PTPRM: variants seen among roughly 807,000 people sequenced by gnomAD.
The protein encoded by PTPRM is protein tyrosine phosphatase receptor type M, also known as receptor-type tyrosine-protein phosphatase mu.
Under a neutral mutation model 186.7 loss-of-function variants are expected in PTPRM, and 47 were observed. The ratio of observed to expected loss-of-function variants is 0.25; its 90% CI spans 0.20 to 0.32. The LOEUF is 0.32. PTPRM is among the 10% of genes least tolerant of loss of function. The pLI, the probability that PTPRM is intolerant of heterozygous loss-of-function variation, is 1.00. For missense variants in PTPRM, 1,494 were observed against 1,865.0 expected (o/e 0.80, Z 3.66); for synonymous variants, 668 against 674.9 (o/e 0.99, Z 0.16).
At chr18:8,300,341 G>A (rs1355084551) in intron 20 of PTPRM, among the ~76,000 whole-genome samples, 2 of 152,084 alleles carry the variant, frequency 1.3e-5, no homozygotes, top group Admixed American at 1.3e-4. Context: ...GGTGAGTCAT[G>A]AGCCTTCTCA....
chr18:7,874,290 C>G (rs550522744), intron 2 of PTPRM, among the ~76,000 whole-genome samples: 1 of 152,074 alleles, frequency 6.6e-6, no homozygotes, highest in South Asian at 2.1e-4. Context: ...TTTATAAAGG[C>G]ATATGCAATT....
intron 14 of PTPRM, among the ~76,000 whole-genome samples, chr18:8,174,148 C>G (rs2093447958): frequency 6.6e-6 from 1 of 152,144 alleles, no homozygotes. Context: ...ATCTTGTCAC[C>G]TCCAGAATAA....
intron 1 of PTPRM, among the ~76,000 whole-genome samples, chr18:7,742,936 C>A (rs1477599376): frequency 6.6e-6 from 1 of 151,912 alleles, no homozygotes; most frequent in Admixed American, 6.6e-5. Flanking sequence ...GATTATTTAC[C>A]CATTAGTTAG....
chr18:7,621,077 C>T (rs745799085), intron 1 of PTPRM, among the ~76,000 whole-genome samples: 11 of 152,222 alleles, frequency 7.2e-5, no homozygotes, highest in Admixed American at 1.3e-4. Context: ...CTAAAACTTA[C>T]GCAGTGCTTA....
At chr18:8,382,567 A>G (rs1056026201) in intron 29 of PTPRM, among the ~76,000 whole-genome samples, 4 of 152,196 alleles carry the variant, frequency 2.6e-5, no homozygotes, top group Non-Finnish European at 2.9e-5. Context: ...CTGGTGAGGA[A>G]GGAAATATTT....
chr18:8,010,647 C>A (rs2084472462), intron 7 of PTPRM, among the ~76,000 whole-genome samples: 1 of 152,206 alleles, frequency 6.6e-6, no homozygotes, highest in Non-Finnish European at 1.5e-5. Context: ...GATGGAAGAG[C>A]CCATGGACTT....
At position 8,371,022 on chromosome 18, in the gene PTPRM, G is replaced by T. The variant is rs747756678; in HGVS notation, c.3171+16G>T. 1.2e-4 allele frequency: 174 copies of T among 1,460,900 alleles called. No individual in the cohort carries two copies. The highest frequency in any genetic ancestry group is 1.6e-4 in the Non-Finnish European group (170 of 1,047,058). The allele number at this position is 1,460,900 out of a possible 1,614,324, so 90.5% of individuals were successfully genotyped here. ...TGTTGAAAAGGTAAGTTTTCATACTGCTTTTAAAAGCTATGGTCAGACACT... is the reference window on the plus strand; with the variant it reads ...TGTTGAAAAGGTAAGTTTTCATACTTCTTTTAAAAGCTATGGTCAGACACT... On this transcript the variant is annotated intron_variant, in intron 24 of 32. Transcript: ENST00000580170.
intron 7 of PTPRM, among the ~76,000 whole-genome samples, chr18:7,984,938 C>CAT (rs201053444): frequency 2.6e-5 from 3 of 115,154 alleles, no homozygotes; most frequent in East Asian, 2.4e-4. Flanking sequence ...TAAATATATA[C>CAT]ATATATATAC....
At chr18:7,927,736 T>C (rs1008316403) in intron 5 of PTPRM, among the ~76,000 whole-genome samples, 1 of 152,134 alleles carries the variant, frequency 6.6e-6, no homozygotes, top group African/African-American at 2.4e-5. Context: ...GCAATGTAAA[T>C]CTGTAGTCAT....
intron 1 of PTPRM, among the ~76,000 whole-genome samples, chr18:7,664,343 A>G (rs1409835409): frequency 6.6e-6 from 1 of 152,212 alleles, no homozygotes; most frequent in African/African-American, 2.4e-5. Context: ...CTCATGTGCC[A>G]TTGTTCCACC....
At position 8,129,150 on chromosome 18, in the gene PTPRM, A is replaced by G. The variant is rs573233495; in HGVS notation, c.2167+14323A>G. 3.2e-4 allele frequency among the ~76,000 whole-genome samples: 49 copies of G among 152,342 alleles called. 1 individual carries two copies. In the South Asian group the frequency reaches 9.7e-3, roughly 30 times the overall value. ...AAAGAAAGTACTTTCAGTTTAAAAA[A>G]CACTTGAAGATTTTTGCATGAAAGA... On this transcript the variant is annotated intron_variant, in intron 13 of 32. Transcript: ENST00000580170.
intron 2 of PTPRM, among the ~76,000 whole-genome samples, chr18:7,810,564 C>G (rs1380045164): frequency 6.6e-6 from 1 of 151,964 alleles, no homozygotes; most frequent in Non-Finnish European, 1.5e-5. Flanking sequence ...ATAACCTGAG[C>G]CTTAGTTTCC....
chr18:8,210,948 T>G (rs1055756001), intron 14 of PTPRM, among the ~76,000 whole-genome samples: 1 of 152,174 alleles, frequency 6.6e-6, no homozygotes, highest in African/African-American at 2.4e-5. Flanking sequence ...CAGGAAGGAA[T>G]GTTCATCTTG....
chr18:8,085,816 G>A lies in PTPRM; in HGVS notation c.1697G>A (p.Ser566Asn), dbSNP rs1052122056. The change falls in exon 10 of 33, where the codon AGC becomes AAC. Residue 566 changes from serine (S) to asparagine (N), a missense_variant. Around this residue, in one of 3 missense-constraint regions of PTPRM, gnomAD observed 1,107 missense variants for 1,350.2 expected, o/e 0.82. Coordinates refer to ENST00000580170, the MANE Select transcript of PTPRM (RefSeq NM_001105244.2). The stretch of plus-strand genomic sequence containing the variant: ...ACATACTCCTTTACCATCCGAGCTA[G>A]CACAGCTAAGGGTTTTGGGCCTCCA... The part of the protein sequence containing the change: ...GTTYSFTIRA[S>N]TAKGFGPPAT... 6.2e-7 allele frequency: 1 copy of A among 1,613,442 alleles called. No homozygotes were observed. Among genetic ancestry groups the A allele is most frequent in the South Asian group, 1.1e-5 (1 of 91,070 alleles).
intron 7 of PTPRM, among the ~76,000 whole-genome samples, chr18:8,006,141 A>G (rs777271777): frequency 2.6e-5 from 4 of 152,186 alleles, no homozygotes; most frequent in African/African-American, 2.4e-5. Flanking sequence ...GCTCAGGTTG[A>G]TCTGTGTTGT....
In PTPRM at chr18:7,599,171, A is replaced by G. The variant is rs567138146; in HGVS notation, c.73+31280A>G. ...GGTTTTGTAAGTGTTATTGTTAAAA[A>G]AAAGAAAAGGAACTTTGAAGTCTTT... On this transcript the variant is annotated intron_variant, in intron 1 of 32. Transcript: ENST00000580170. Among the ~76,000 whole-genome samples the G allele has an allele frequency of 5.9e-5, 9 of 152,342 alleles. No homozygotes were observed. In the South Asian group the frequency reaches 1.9e-3, roughly 32 times the overall value.
At chr18:7,927,618 G>A (rs141251104) in intron 5 of PTPRM, among the ~76,000 whole-genome samples, 28 of 152,140 alleles carry the variant, frequency 1.8e-4, no homozygotes, top group Admixed American at 1.6e-3. Context: ...GTCTCTGCAC[G>A]TGCCATCTCT....
At chr18:8,367,275 C>A (rs1184860331) in intron 23 of PTPRM, among the ~76,000 whole-genome samples, 1 of 152,188 alleles carries the variant, frequency 6.6e-6, no homozygotes, top group Non-Finnish European at 1.5e-5. Flanking sequence ...ATGGGGAGGA[C>A]CGGATTCGAA....
At chr18:8,050,816 C>G (rs994068257) in intron 7 of PTPRM, among the ~76,000 whole-genome samples, 4 of 152,094 alleles carry the variant, frequency 2.6e-5, no homozygotes, top group Non-Finnish European at 5.9e-5. Context: ...TAGCTGTGGC[C>G]TTGGATGGTA....
Sources: allele counts gnomAD v4.1 joint callset (sites outside exome capture counted in the v4.1 genomes callset), GRCh38; gene constraint gnomAD v4.1.1; regional missense constraint gnomAD v4.1.1; transcripts MANE v1.5; gene names NCBI Gene and HGNC (gene_info 2026-07-23, HGNC 2026-07-21).